Variants in ARHGAP24 observed in about 807,000 individuals in gnomAD.
ARHGAP24 encodes rho GTPase-activating protein 24.
A neutral mutation model predicts 76.4 loss-of-function variants in ARHGAP24; 50 were observed. That is an observed-to-expected ratio of 0.65 (90% CI 0.52 to 0.83). The LOEUF is 0.83. Among genes scored for constraint, ARHGAP24 ranks in the 40% least tolerant of loss-of-function variants. The pLI, the probability that ARHGAP24 is intolerant of heterozygous loss-of-function variation, is 0.00. For synonymous variants in ARHGAP24, 345 were observed against 323.3 expected, an observed-to-expected ratio of 1.07 and a Z score of -0.72; for missense variants, 930 against 914.2, an observed-to-expected ratio of 1.02 and a Z score of -0.22.
chr4:85,960,011 T>C (rs866428128), intron 5 of ARHGAP24, among the ~76,000 whole-genome samples: 2 of 152,186 alleles, frequency 1.3e-5, no homozygotes, highest in Non-Finnish European at 2.9e-5. Context: ...TAACTCATAG[T>C]GTAAGACAGA....
intron 1 of ARHGAP24, among the ~76,000 whole-genome samples, chr4:85,515,597 A>G (rs994608118): frequency 2.0e-5 from 3 of 151,924 alleles, no homozygotes; most frequent in African/African-American, 7.2e-5. Flanking sequence ...AAATCATTCC[A>G]TTAGCTGTTT....
chr4:85,677,459 C>G (rs534419105), intron 2 of ARHGAP24, among the ~76,000 whole-genome samples: 1 of 152,258 alleles, frequency 6.6e-6, no homozygotes, highest in East Asian at 1.9e-4. Context: ...AATATATTTC[C>G]AGATAGCCTT....
At chr4:85,782,879 T>C (rs972367370) in intron 3 of ARHGAP24, among the ~76,000 whole-genome samples, 3 of 151,380 alleles carry the variant, frequency 2.0e-5, no homozygotes, top group Non-Finnish European at 2.9e-5. Flanking sequence ...TAAATGTTTG[T>C]TGAATGACTA....
intron 1 of ARHGAP24, among the ~76,000 whole-genome samples, chr4:85,490,132 G>A (rs779083939): frequency 2.6e-5 from 4 of 152,084 alleles, no homozygotes; most frequent in Non-Finnish European, 5.9e-5. Flanking sequence ...GGGAGAGGGA[G>A]AATAAATATA....
At chr4:85,773,582 A>G (rs886444521) in intron 3 of ARHGAP24, among the ~76,000 whole-genome samples, 2 of 152,070 alleles carry the variant, frequency 1.3e-5, no homozygotes, top group African/African-American at 2.4e-5. Context: ...TGCTGCTTCC[A>G]TGCTCTCCTG....
chr4:85,654,712 C>T (rs898886867), intron 2 of ARHGAP24, among the ~76,000 whole-genome samples: 5 of 128,684 alleles, frequency 3.9e-5, no homozygotes, highest in South Asian at 2.8e-4. Context: ...TCCTACAGAA[C>T]GGGAGTGGGA....
intron 1 of ARHGAP24, among the ~76,000 whole-genome samples, chr4:85,536,186 C>T (rs2110119778): frequency 6.6e-6 from 1 of 151,730 alleles, no homozygotes; most frequent in Non-Finnish European, 1.5e-5. Context: ...CTAGGATCAA[C>T]TTACATGACT....
At chr4:85,502,602 G>C (rs996405234) in intron 1 of ARHGAP24, among the ~76,000 whole-genome samples, 4 of 152,180 alleles carry the variant, frequency 2.6e-5, no homozygotes, top group Non-Finnish European at 5.9e-5. Flanking sequence ...TTGCTTATCA[G>C]CTTAAGGAGA....
intron 4 of ARHGAP24, chr4:85,930,684 A>G (rs954415436): frequency 1.7e-6 from 2 of 1,184,670 alleles, no homozygotes; most frequent in Non-Finnish European, 2.1e-6. Context: ...AAAAAAAAGA[A>G]AAAAAAAACC....
chr4:85,951,991 T>C (rs1429367049), intron 5 of ARHGAP24, among the ~76,000 whole-genome samples: 3 of 152,176 alleles, frequency 2.0e-5, no homozygotes, highest in Non-Finnish European at 4.4e-5. Context: ...AGTTATTAAG[T>C]TTAATTTCAA....
intron 1 of ARHGAP24, among the ~76,000 whole-genome samples, chr4:85,509,967 A>T (rs1472914803): frequency 6.6e-6 from 1 of 152,204 alleles, no homozygotes; most frequent in African/African-American, 2.4e-5. Context: ...TGGTGGCAAG[A>T]TGCGCCTCCA....
chr4:85,760,335 G>A (rs188088638), intron 3 of ARHGAP24, among the ~76,000 whole-genome samples: 86 of 152,190 alleles, frequency 5.7e-4, no homozygotes, highest in Admixed American at 1.9e-3. Flanking sequence ...ACATATCAAG[G>A]TTTTGAAAAT....
chr4:85,558,153 G>A (rs1287989710), intron 1 of ARHGAP24, among the ~76,000 whole-genome samples: 1 of 152,108 alleles, frequency 6.6e-6, no homozygotes, highest in Non-Finnish European at 1.5e-5. Context: ...TTGCTAGGGA[G>A]CTCAGGTTCT....
At chr4:85,589,557 G>A (rs1272702890) in intron 2 of ARHGAP24, among the ~76,000 whole-genome samples, 1 of 152,158 alleles carries the variant, frequency 6.6e-6, no homozygotes, top group Non-Finnish European at 1.5e-5. Flanking sequence ...TTGGGACCAT[G>A]CCTGAAAACT....
chr4:85,602,932 T>C (rs1720080923), intron 2 of ARHGAP24, among the ~76,000 whole-genome samples: 2 of 152,226 alleles, frequency 1.3e-5, no homozygotes, highest in Admixed American at 1.3e-4. Context: ...CATGATTACC[T>C]CACTGCATTA....
chr4:85,992,827 T>C (rs146156037), intron 8 of ARHGAP24, among the ~76,000 whole-genome samples: 1 of 152,190 alleles, frequency 6.6e-6, no homozygotes. Context: ...TTCACAATTC[T>C]GTAATAATTG....
intron 1 of ARHGAP24, among the ~76,000 whole-genome samples, chr4:85,496,586 C>T (rs1361732017): frequency 6.6e-6 from 1 of 152,134 alleles, no homozygotes; most frequent in Non-Finnish European, 1.5e-5. Context: ...GGACAGGTTT[C>T]AAATCACAAC....
At chr4:85,797,099 G>A (rs898711963) in intron 3 of ARHGAP24, among the ~76,000 whole-genome samples, 2 of 151,992 alleles carry the variant, frequency 1.3e-5, no homozygotes, top group Non-Finnish European at 2.9e-5. Context: ...TCTCTCTATC[G>A]CCCTCTACTG....
intron 4 of ARHGAP24, among the ~76,000 whole-genome samples, 196 bp from the exon 5 acceptor site, chr4:85,941,870 G>A (rs1465450049): frequency 6.6e-6 from 1 of 152,108 alleles, no homozygotes; most frequent in African/African-American, 2.4e-5. Context: ...CAAGAAACAG[G>A]CAGCATAAGG....
Sources: gnomAD v4.1 joint callset for allele counts (sites outside exome capture counted in the v4.1 genomes callset) on GRCh38, gnomAD v4.1.1 for gene constraint, MANE v1.5 for transcripts, NCBI Gene and HGNC (gene_info 2026-07-23, HGNC 2026-07-21) for gene names.